Variants in VPS50 observed in about 807,000 individuals in gnomAD.
VPS50 encodes VPS50 subunit of EARP/GARPII complex, also known as syndetin.
Under a neutral mutation model 139.7 loss-of-function variants are expected in VPS50, and 70 were observed. The ratio of observed to expected loss-of-function variants is 0.50; its 90% confidence interval spans 0.41 to 0.61. The LOEUF is 0.61. Ranked by LOEUF, VPS50 falls within the 20% of genes least tolerant of loss-of-function variation. The pLI is 0.00. For missense variants in VPS50, 921 were observed against 1,133.7 expected, an observed-to-expected ratio of 0.81 and a Z score of 2.69; for synonymous variants, 365 against 376.7, an observed-to-expected ratio of 0.97 and a Z score of 0.36.
rs565672835 is a variant in VPS50 at position 93,237,019 on chromosome 7, C to G, written c.34-2847C>G. Reference sequence around the variant, plus strand: ...AGGCTGGAGTGCAGTGGAGCGATCTCGGCTCACTGCAAGCTCCGCCTCCCG... The same window carrying G: ...AGGCTGGAGTGCAGTGGAGCGATCTGGGCTCACTGCAAGCTCCGCCTCCCG... On this transcript the variant is annotated intron_variant, in intron 1 of 27. Coordinates refer to ENST00000305866, the MANE Select transcript of VPS50 (RefSeq NM_017667.4). Among the ~76,000 whole-genome samples the G allele has an allele frequency of 9.3e-5, 12 of 129,274 alleles. 1 individual carries two copies. The highest frequency in any genetic ancestry group is 2.9e-4 in the African/African-American group (10 of 34,506). The allele number at this position is 129,274 out of a possible 152,430, so 84.8% of individuals were successfully genotyped here. A position where few individuals can be genotyped will look rare whatever the true frequency, so the allele number is the denominator to read the frequency against.
chr7:93,315,211 T>TA (rs1269846306), intron 20 of VPS50, among the ~76,000 whole-genome samples: 23 of 152,204 alleles, frequency 1.5e-4, no homozygotes, highest in African/African-American at 5.3e-4. Flanking sequence ...TAAAATATCT[T>TA]AATGTATTAC....
chr7:93,258,298 A>G (rs951887037), intron 7 of VPS50, 22 bp downstream of exon 7: 12 of 1,593,246 alleles, frequency 7.5e-6, no homozygotes, highest in Non-Finnish European at 1.0e-5. Flanking sequence ...TCATTTAAAA[A>G]AATTAAAACT....
chr7:93,235,249 G>T (rs1794764571), intron 1 of VPS50, among the ~76,000 whole-genome samples: 2 of 152,172 alleles, frequency 1.3e-5, no homozygotes, highest in Admixed American at 6.5e-5. Context: ...GTGAGGAGAA[G>T]AGTAGTGGGA....
rs940216860 is a variant in VPS50 at position 93,302,519 on chromosome 7, T to C, written c.1362-941T>C. Among the ~76,000 whole-genome samples the C allele has an allele frequency of 4.6e-5, 7 of 152,160 alleles. No homozygotes were observed. The East Asian group carries it at 1.3e-3, about 29-fold the overall frequency. On this transcript the variant is annotated intron_variant, in intron 16 of 27. Transcript: ENST00000305866. ...AAATGTCTATTTGATTCTTTTATTG[T>C]TTTTCTTATTGCAGTTATTTGAAAT... is the stretch of plus-strand genomic sequence containing the variant.
At position 93,296,362 on chromosome 7, in the gene VPS50, A is replaced by T. The variant is rs189552401; in HGVS notation, c.1168-380A>T. ...GCATAAAAAGAAAGGAAAATCTTAT[A>T]GTTATTGAATATACACCCAGGATCA... On this transcript the variant is annotated intron_variant, in intron 14 of 27. Coordinates refer to ENST00000305866, the MANE Select transcript of VPS50 (RefSeq NM_017667.4). Among the ~76,000 whole-genome samples, 109 of 152,272 alleles carry T rather than the reference A, an allele frequency of 7.2e-4. No homozygotes were observed. In the East Asian group the frequency reaches 0.021, roughly 29 times the overall value.
chr7:93,254,337 A>G (rs901324385), intron 4 of VPS50, among the ~76,000 whole-genome samples: 3 of 152,190 alleles, frequency 2.0e-5, no homozygotes, highest in Non-Finnish European at 4.4e-5. Flanking sequence ...TTGCACGATC[A>G]TGGCTCACTG....
intron 13 of VPS50, 81 bp from the exon 14 acceptor site, chr7:93,294,464 T>G: frequency 1.6e-6 from 2 of 1,223,730 alleles, no homozygotes; most frequent in Non-Finnish European, 2.2e-6. Flanking sequence ...TTACAATGTG[T>G]GAGAGGCCAA....
chr7:93,256,548 C>A lies in VPS50; in HGVS notation c.337C>A (p.Pro113Thr). ...GGCAGATTTAATCCTTGAAAAACAGCCTGCTTATGTAAAGGTAGGATAATA... is the reference window on the plus strand; with the variant it reads ...GGCAGATTTAATCCTTGAAAAACAGACTGCTTATGTAAAGGTAGGATAATA... The part of the protein sequence containing the change: ...KVADLILEKQ[P>T]AYVKELERVT... Residue 113 changes from proline to threonine, a missense_variant, in exon 5 of 28, where the codon CCT becomes ACT. Pro to Thr is a conservative substitution (Grantham distance 38, BLOSUM62 -1). Around this residue, in one of 3 missense-constraint regions of VPS50, gnomAD observed 744 missense variants for 930.6 expected, o/e 0.80. Transcript: ENST00000305866. 1 of 1,457,276 alleles carries A rather than the reference C, an allele frequency of 6.9e-7. No homozygotes were observed. Among genetic ancestry groups the A allele is most frequent in the Non-Finnish European group, 9.2e-7 (1 of 1,086,758 alleles). 90.3% of individuals were successfully genotyped at this position (1,457,276 alleles called of 1,614,324 possible).
chr7:93,291,817 G>C lies in VPS50; in HGVS notation c.1057G>C (p.Asp353His), dbSNP rs1458681428. 3.8e-6 allele frequency: 6 copies of C among 1,586,416 alleles called. No individual in the cohort carries two copies. Among genetic ancestry groups the C allele is most frequent in the Non-Finnish European group, 4.3e-6 (5 of 1,168,230 alleles). Reference protein sequence around the residue: ...MEWHEKHDNEDTASASEGSNM... With the variant: ...MEWHEKHDNEHTASASEGSNM... ...ATGGCATGAAAAGCATGACAATGAG[G>C]ATACTGCTTCAGCTTCTGGTAGGAA... is the stretch of plus-strand genomic sequence containing the variant. The change falls in exon 13 of 28, where the codon GAT (aspartate) becomes CAT (histidine). Residue 353 changes from aspartate (D) to histidine (H), a missense_variant. Asp to His is a moderately conservative substitution (Grantham distance 81). Around this residue, in one of 3 missense-constraint regions of VPS50, gnomAD observed 744 missense variants for 930.6 expected, o/e 0.80. Coordinates refer to ENST00000305866, the MANE Select transcript of VPS50 (RefSeq NM_017667.4).
chr7:93,274,399 A>C (rs1584414791), intron 11 of VPS50, among the ~76,000 whole-genome samples: 1 of 152,088 alleles, frequency 6.6e-6, no homozygotes, highest in Admixed American at 6.6e-5. Context: ...TATGATTCTG[A>C]AAATCCTAGG....
intron 5 of VPS50, among the ~76,000 whole-genome samples, chr7:93,257,087 T>C (rs766966126): frequency 6.6e-6 from 1 of 152,106 alleles, no homozygotes; most frequent in African/African-American, 2.4e-5. Context: ...TGGGTAGGAA[T>C]TTAAACAGAT....
At chr7:93,236,855 G>T (rs1379650421) in intron 1 of VPS50, among the ~76,000 whole-genome samples, 1 of 142,690 alleles carries the variant, frequency 7.0e-6, no homozygotes, top group Non-Finnish European at 1.5e-5. Flanking sequence ...AAAATATTAA[G>T]AATTATGGTT....
chr7:93,345,051 G>C (rs550164183), intron 23 of VPS50, among the ~76,000 whole-genome samples: 1 of 152,146 alleles, frequency 6.6e-6, no homozygotes, highest in South Asian at 2.1e-4. Context: ...CTGGTTTTTT[G>C]AAAGGATCAA....
chr7:93,293,791 A>G (rs1796718441), intron 13 of VPS50, among the ~76,000 whole-genome samples: 1 of 152,118 alleles, frequency 6.6e-6, no homozygotes, highest in African/African-American at 2.4e-5. Context: ...TGGGTGTAAT[A>G]ATAAGGCTTA....
At chr7:93,305,648 A>G (rs988382511) in intron 17 of VPS50, among the ~76,000 whole-genome samples, 180 bp from the exon 18 acceptor site, 9 of 151,854 alleles carry the variant, frequency 5.9e-5, no homozygotes, top group Non-Finnish European at 1.3e-4. Context: ...CTTTAGGAAA[A>G]CCTTTAGATG....
At chr7:93,302,214 G>A (rs74541424) in intron 16 of VPS50, among the ~76,000 whole-genome samples, 2,630 of 152,226 alleles carry the variant, frequency 0.017, 89 homozygotes, top group African/African-American at 0.06. Context: ...TATGAGCACA[G>A]TCACTTTTGG....
intron 11 of VPS50, among the ~76,000 whole-genome samples, chr7:93,275,460 A>G (rs1259534381): frequency 6.6e-6 from 1 of 152,186 alleles, no homozygotes; most frequent in Non-Finnish European, 1.5e-5. Context: ...ATCAACATTG[A>G]GACAAGACCC....
chr7:93,303,535 C>A lies in VPS50; in HGVS notation c.1437C>A (p.Ser479Arg). Residue 479 changes from serine (S) to arginine (R), a missense_variant, in exon 17 of 28, where the codon AGC (serine) becomes AGA (arginine). This residue lies in a region of VPS50 where 744 missense variants were observed against 930.6 expected (regional missense o/e 0.80). Coordinates refer to ENST00000305866, the MANE Select transcript of VPS50 (RefSeq NM_017667.4). ...WELCPVKSNF[S>R]ILQLHEFKFM... ...TTTGTCCTGTTAAGTCAAATTTCAG[C>A]ATCTTGCAACTTCATGTAAGTGTTT... 6.7e-7 allele frequency: 1 copy of A among 1,501,512 alleles called. No individual in the cohort carries two copies. Among genetic ancestry groups the A allele is most frequent in the Non-Finnish European group, 9.2e-7 (1 of 1,087,942 alleles). 93.0% of individuals were successfully genotyped at this position (1,501,512 alleles called of 1,614,324 possible).
At chr7:93,242,549 G>GT (rs1673387621) in intron 2 of VPS50, among the ~76,000 whole-genome samples, 1 of 151,744 alleles carries the variant, frequency 6.6e-6, no homozygotes, top group Non-Finnish European at 1.5e-5. Flanking sequence ...GTACCCATTA[G>GT]TTTTGCTTAG....
Sources: allele counts gnomAD v4.1 joint callset (sites outside exome capture counted in the v4.1 genomes callset), GRCh38; gene constraint gnomAD v4.1.1; regional missense constraint gnomAD v4.1.1; transcripts MANE v1.5; gene names NCBI Gene and HGNC (gene_info 2026-07-23, HGNC 2026-07-21).